The following HRH1 variants were observed in gnomAD, a reference collection of about 807,000 sequenced individuals.
The protein encoded by HRH1 is histamine receptor H1.
HRH1 carries 6 observed loss-of-function variants against 10.3 expected under a neutral mutation model. The ratio of observed to expected loss-of-function variants is 0.58; its 90% confidence interval spans 0.32 to 1.15. HRH1 has a LOEUF of 1.15. Ranked by LOEUF, HRH1 falls within the 50% of genes most tolerant of loss-of-function variation. HRH1 has a pLI of 0.05. For synonymous variants in HRH1, 242 were observed against 236.7 expected, an observed-to-expected ratio of 1.02 and a Z score of -0.21; for missense variants, 514 against 615.3, an observed-to-expected ratio of 0.84 and a Z score of 1.74.
intron 1 of HRH1, among the ~76,000 whole-genome samples, chr3:11,138,076 C>T (rs1050594701): frequency 2.0e-5 from 3 of 151,722 alleles, no homozygotes; most frequent in African/African-American, 4.8e-5. Context: ...AGTGGAGTGT[C>T]GTGATCTCTG....
intron 1 of HRH1, among the ~76,000 whole-genome samples, chr3:11,201,498 G>A (rs946788052): frequency 6.6e-6 from 1 of 152,134 alleles, no homozygotes; most frequent in African/African-American, 2.4e-5. Flanking sequence ...TGAGGGAGAG[G>A]AGCTAAGAGG....
rs182183264 is a variant in HRH1, at chr3:11,214,761, G to A, written c.-35-44242G>A. Among the ~76,000 whole-genome samples the A allele has an allele frequency of 1.2e-3, 183 of 152,320 alleles. 3 individuals carry two copies. The highest frequency in any genetic ancestry group is 1.5e-3 in the South Asian group (7 of 4,826). On this transcript the variant is annotated intron_variant, in intron 1 of 1. Transcript: ENST00000431010. Reference sequence around the variant, plus strand: ...AGCCTTCTGTAACCTGAGGAGGTTGGGGAGGCAGCATAGGTTTCATGTCAC... The same window carrying A: ...AGCCTTCTGTAACCTGAGGAGGTTGAGGAGGCAGCATAGGTTTCATGTCAC...
chr3:11,193,985 G>A (rs1412790263), intron 1 of HRH1, among the ~76,000 whole-genome samples: 1 of 152,262 alleles, frequency 6.6e-6, no homozygotes, highest in African/African-American at 2.4e-5. Context: ...CTTTGCAGAG[G>A]AGTGTTCTTT....
chr3:11,243,690 A>G (rs1305486901), intron 1 of HRH1, among the ~76,000 whole-genome samples: 2 of 152,026 alleles, frequency 1.3e-5, no homozygotes, highest in Admixed American at 1.3e-4. Flanking sequence ...TCTTTCTTCT[A>G]CTGAGCCTTA....
intron 1 of HRH1, among the ~76,000 whole-genome samples, chr3:11,217,318 T>C (rs1255089717): frequency 6.6e-6 from 1 of 150,932 alleles, no homozygotes; most frequent in African/African-American, 2.4e-5. Context: ...TCACCTGAGG[T>C]CAGGAGTTCA....
In HRH1 at chr3:11,259,630, A is replaced by G. The variant is rs1475680341; in HGVS notation, c.593A>G (p.Asn198Ser). ...TWFKVMTAII[N>S]FYLPTLLMLW... ...TTCAAGGTCATGACTGCCATCATCAACTTCTACCTGCCCACCTTGCTCATG... is the reference window on the plus strand; with the variant it reads ...TTCAAGGTCATGACTGCCATCATCAGCTTCTACCTGCCCACCTTGCTCATG... Residue 198 changes from asparagine to serine, a missense_variant, in exon 2 of 2, where the codon AAC becomes AGC. By Grantham distance (46) the Asn-to-Ser change is conservative. Transcript: ENST00000431010. The surrounding 1 kb of genome is among the most constrained non-coding windows in gnomAD (Gnocchi z 4.6). 2 of 1,613,998 alleles carry G rather than the reference A, an allele frequency of 1.2e-6. No homozygotes were observed. The highest frequency in any genetic ancestry group is 1.7e-6 in the Non-Finnish European group (2 of 1,180,000).
intron 1 of HRH1, among the ~76,000 whole-genome samples, chr3:11,170,530 G>A (rs1937131880): frequency 6.6e-6 from 1 of 152,268 alleles, no homozygotes; most frequent in African/African-American, 2.4e-5. Context: ...GGAACGGGCA[G>A]TATCCCATGG....
At chr3:11,178,753 A>G (rs1332573257) in intron 1 of HRH1, among the ~76,000 whole-genome samples, 1 of 151,458 alleles carries the variant, frequency 6.6e-6, no homozygotes, top group Non-Finnish European at 1.5e-5. Flanking sequence ...CACCACCCAG[A>G]CCCTTTCTGC....
chr3:11,260,753 G>A lies in HRH1; in HGVS notation c.*252G>A. ...AAAGTCAGACCTGTTTCTTGTAACT[G>A]GGTTCAAAAAGAAAAAAATAATAAA... On this transcript the variant is annotated 3_prime_UTR_variant, in exon 2 of 2. Transcript: ENST00000431010. 1 of 450,180 alleles carries A rather than the reference G, an allele frequency of 2.2e-6. No homozygotes were observed. Among genetic ancestry groups the A allele is most frequent in the Non-Finnish European group, 4.0e-6 (1 of 247,372 alleles). The allele number at this position is 450,180 out of a possible 1,614,324, so 27.9% of individuals were successfully genotyped here. A position where few individuals can be genotyped will look rare whatever the true frequency, so the allele number is the denominator to read the frequency against.
At chr3:11,252,276 T>C (rs746712987) in intron 1 of HRH1, among the ~76,000 whole-genome samples, 17 of 152,230 alleles carry the variant, frequency 1.1e-4, no homozygotes, top group Admixed American at 3.3e-4. Context: ...CTAAATATTT[T>C]ACTTCAGGTT....
intron 1 of HRH1, among the ~76,000 whole-genome samples, chr3:11,158,903 T>A (rs998582149): frequency 1.3e-5 from 2 of 152,252 alleles, no homozygotes; most frequent in African/African-American, 4.8e-5. Flanking sequence ...CCTTGTATTC[T>A]TTCCTTTTTA....
At chr3:11,183,135 G>A (rs1282228028) in intron 1 of HRH1, among the ~76,000 whole-genome samples, 1 of 152,180 alleles carries the variant, frequency 6.6e-6, no homozygotes, top group Non-Finnish European at 1.5e-5. Context: ...TCCAGGCTTA[G>A]CCCAGTCCCA....
chr3:11,201,035 C>T (rs1367486863), intron 1 of HRH1, among the ~76,000 whole-genome samples: 1 of 152,186 alleles, frequency 6.6e-6, no homozygotes, highest in Non-Finnish European at 1.5e-5. Context: ...CAGAAAGATG[C>T]CCCTGCCCTC....
At chr3:11,248,915 C>T (rs755953784) in intron 1 of HRH1, among the ~76,000 whole-genome samples, 5 of 152,184 alleles carry the variant, frequency 3.3e-5, no homozygotes, top group Non-Finnish European at 5.9e-5. Context: ...GGGTTTCTGG[C>T]CTACCTGTCG....
At chr3:11,213,767 C>G (rs1282373764) in intron 1 of HRH1, among the ~76,000 whole-genome samples, 2 of 152,234 alleles carry the variant, frequency 1.3e-5, no homozygotes, top group African/African-American at 2.4e-5. Flanking sequence ...CACAAACATT[C>G]AAACCATAAT....
intron 1 of HRH1, among the ~76,000 whole-genome samples, chr3:11,246,213 A>C (rs1416960431): frequency 6.6e-6 from 1 of 152,166 alleles, no homozygotes; most frequent in East Asian, 1.9e-4. Flanking sequence ...AGCTCTCCCT[A>C]GGCTGCTACT....
intron 1 of HRH1, among the ~76,000 whole-genome samples, chr3:11,184,718 C>T (rs992447750): frequency 1.3e-5 from 2 of 151,974 alleles, no homozygotes; most frequent in Non-Finnish European, 2.9e-5. Context: ...GAGTTCAAGA[C>T]CAGCCTGGCC....
intron 1 of HRH1, among the ~76,000 whole-genome samples, chr3:11,179,403 G>C (rs1362960324): frequency 1.3e-5 from 2 of 151,788 alleles, no homozygotes; most frequent in Non-Finnish European, 2.9e-5. Context: ...GGTGGATCAC[G>C]AGGTCAGGAG....
chr3:11,238,299 G>A (rs573845534), intron 1 of HRH1, among the ~76,000 whole-genome samples: 12 of 152,266 alleles, frequency 7.9e-5, no homozygotes, highest in South Asian at 6.2e-4. Flanking sequence ...TAGAAGTTAC[G>A]CATAACATCT....
Sources: gnomAD v4.1 joint callset for allele counts (sites outside exome capture counted in the v4.1 genomes callset) on GRCh38, gnomAD v4.1.1 for gene constraint, Gnocchi (gnomAD v3.1) non-coding constraint, MANE v1.5 for transcripts, NCBI Gene and HGNC (gene_info 2026-07-23, HGNC 2026-07-21) for gene names.